GABRG3: variants seen among roughly 807,000 people sequenced by gnomAD.
GABRG3 encodes the protein gamma-aminobutyric acid type A receptor subunit gamma3, also known as gamma-aminobutyric acid receptor subunit gamma-3.
A neutral mutation model predicts 48.8 loss-of-function variants in GABRG3; 25 were observed. The observed-to-expected ratio is 0.51, with a 90% CI of 0.37 to 0.72. The LOEUF (loss-of-function observed/expected upper bound fraction) is 0.72. Among genes scored for constraint, GABRG3 ranks in the 30% least tolerant of loss-of-function variants. GABRG3 has a pLI of 0.00. For missense variants in GABRG3, 394 were observed against 577.9 expected, an observed-to-expected ratio of 0.68 and a Z score of 3.26; for synonymous variants, 227 against 217.6, an observed-to-expected ratio of 1.04 and a Z score of -0.38.
At chr15:27,267,442 A>ATTTTTTTTTTTT (rs34989689) in intron 3 of GABRG3, among the ~76,000 whole-genome samples, 1 of 145,032 alleles carries the variant, frequency 6.9e-6, no homozygotes. Context: ...TAGCTCAAGG[A>ATTTTTTTTTTTT]TTTTTTTTTT....
At chr15:27,477,560 G>A (rs1408687665) in intron 5 of GABRG3, among the ~76,000 whole-genome samples, 1 of 152,118 alleles carries the variant, frequency 6.6e-6, no homozygotes, top group Non-Finnish European at 1.5e-5. Context: ...AAACCCTAAG[G>A]TAAACTATGG....
At chr15:27,397,164 G>A (rs1004007250) in intron 5 of GABRG3, among the ~76,000 whole-genome samples, 2 of 152,182 alleles carry the variant, frequency 1.3e-5, no homozygotes, top group African/African-American at 4.8e-5. Context: ...TGTATTATAA[G>A]TGAAACATAC....
At chr15:27,225,451 T>C (rs2140443536) in intron 3 of GABRG3, among the ~76,000 whole-genome samples, 1 of 152,214 alleles carries the variant, frequency 6.6e-6, no homozygotes, top group African/African-American at 2.4e-5. Context: ...GCCGATTGTT[T>C]AGTCTGACGA....
intron 3 of GABRG3, among the ~76,000 whole-genome samples, chr15:27,194,440 A>G (rs1437843047): frequency 6.6e-6 from 1 of 152,184 alleles, no homozygotes; most frequent in African/African-American, 2.4e-5. Flanking sequence ...CAACTCCTTA[A>G]GGGATATTTC....
chr15:27,512,806 T>G (rs781500316), intron 6 of GABRG3, among the ~76,000 whole-genome samples: 15 of 152,082 alleles, frequency 9.9e-5, no homozygotes, highest in Non-Finnish European at 1.5e-4. Flanking sequence ...AGGCAACCCA[T>G]TTGTGCTGAG....
At chr15:27,096,547 C>T (rs575857378) in intron 3 of GABRG3, among the ~76,000 whole-genome samples, 39 of 152,214 alleles carry the variant, frequency 2.6e-4, no homozygotes, top group Non-Finnish European at 4.8e-4. Context: ...AAATTAGAAC[C>T]AGCATTTTCC....
At chr15:27,380,155 T>C (rs1456651866) in intron 5 of GABRG3, among the ~76,000 whole-genome samples, 1 of 152,194 alleles carries the variant, frequency 6.6e-6, no homozygotes, top group Non-Finnish European at 1.5e-5. Flanking sequence ...CTCAGCCATG[T>C]CCAATCTATT....
At chr15:27,400,254 T>G (rs1397515218) in intron 5 of GABRG3, among the ~76,000 whole-genome samples, 3 of 152,250 alleles carry the variant, frequency 2.0e-5, no homozygotes, top group Non-Finnish European at 4.4e-5. Flanking sequence ...CAGGGCCTTC[T>G]TTCTTAAACT....
In GABRG3 at chr15:27,352,064, C is replaced by T. The variant is rs1187708498; in HGVS notation, c.574+23176C>T. On this transcript the variant is annotated intron_variant, in intron 5 of 9. Transcript: ENST00000615808. This position sits in a 1 kb window ranked among gnomAD's most constrained non-coding sequence, Gnocchi z 4.0. ...GTGTGTGTGTATGGTATGTGTGTAT[C>T]GTGTGTGTGTGTATGGTGCATGTGT... is the stretch of plus-strand genomic sequence containing the variant. 3.2e-5 allele frequency among the ~76,000 whole-genome samples: 4 copies of T among 124,444 alleles called. No individual in the cohort carries two copies. Among genetic ancestry groups the T allele is most frequent in the African/African-American group, 9.4e-5 (3 of 31,980 alleles). The allele number at this position is 124,444 out of a possible 152,430, so 81.6% of individuals were successfully genotyped here.
intron 3 of GABRG3, among the ~76,000 whole-genome samples, chr15:27,243,860 C>G (rs183572819): frequency 2.2e-4 from 33 of 152,222 alleles, no homozygotes; most frequent in African/African-American, 7.7e-4. Context: ...AAGTTTTTTT[C>G]AACTTTACGC....
chr15:27,396,510 A>G (rs1345082177), intron 5 of GABRG3, among the ~76,000 whole-genome samples: 3 of 152,240 alleles, frequency 2.0e-5, no homozygotes, highest in Admixed American at 2.0e-4. Flanking sequence ...GCTGGTGAGG[A>G]TGTGGTGGAA....
chr15:27,308,510 T>G (rs972039004), intron 3 of GABRG3, among the ~76,000 whole-genome samples: 1 of 147,782 alleles, frequency 6.8e-6, no homozygotes, highest in Non-Finnish European at 1.5e-5. Context: ...TATATAAACA[T>G]AATGTAAACA....
chr15:27,433,966 A>G (rs1275859614), intron 5 of GABRG3, among the ~76,000 whole-genome samples: 1 of 152,220 alleles, frequency 6.6e-6, no homozygotes, highest in Non-Finnish European at 1.5e-5. Flanking sequence ...TGTTTAGGAA[A>G]CACAATTCTT....
intron 5 of GABRG3, among the ~76,000 whole-genome samples, chr15:27,467,386 C>A (rs946741165): frequency 1.3e-5 from 2 of 152,140 alleles, no homozygotes; most frequent in Non-Finnish European, 2.9e-5. Context: ...TAGTTACATG[C>A]CATCTTCAGT....
At chr15:27,152,355 C>T (rs1818072104) in intron 3 of GABRG3, among the ~76,000 whole-genome samples, 1 of 152,122 alleles carries the variant, frequency 6.6e-6, no homozygotes, top group East Asian at 1.9e-4. Flanking sequence ...TTTCCTCCAC[C>T]AGTACCAAAA....
At chr15:27,132,347 C>T (rs962682282) in intron 3 of GABRG3, among the ~76,000 whole-genome samples, 1 of 151,726 alleles carries the variant, frequency 6.6e-6, no homozygotes, top group South Asian at 2.1e-4. Context: ...ATTATTCTGC[C>T]TGTGATTATC....
chr15:27,093,780 C>T (rs1897231280), intron 3 of GABRG3, among the ~76,000 whole-genome samples: 1 of 152,130 alleles, frequency 6.6e-6, no homozygotes, highest in South Asian at 2.1e-4. Flanking sequence ...AAAGGAACTT[C>T]AGAAGGTATT....
At chr15:27,144,604 A>G (rs1487200369) in intron 3 of GABRG3, among the ~76,000 whole-genome samples, 3 of 152,240 alleles carry the variant, frequency 2.0e-5, no homozygotes, top group African/African-American at 7.2e-5. Context: ...TGAGATGTGC[A>G]TAAGAGGCCT....
intron 6 of GABRG3, among the ~76,000 whole-genome samples, chr15:27,516,353 G>A (rs949634624): frequency 2.6e-5 from 4 of 152,096 alleles, no homozygotes; most frequent in South Asian, 4.1e-4. Context: ...TAAATGATAC[G>A]ACAAAGAAAA....
Sources: allele counts gnomAD v4.1 joint callset (sites outside exome capture counted in the v4.1 genomes callset), GRCh38; gene constraint gnomAD v4.1.1; non-coding constraint Gnocchi (gnomAD v3.1); transcripts MANE v1.5; gene names NCBI Gene and HGNC (gene_info 2026-07-23, HGNC 2026-07-21).